The following MTHFD2L variants were observed in gnomAD, a reference collection of about 807,000 sequenced individuals.
MTHFD2L encodes the protein bifunctional methylenetetrahydrofolate dehydrogenase/cyclohydrolase 2, mitochondrial.
Under a neutral mutation model 34.9 loss-of-function variants are expected in MTHFD2L, and 29 were observed. That is an observed-to-expected ratio of 0.83 (90% CI 0.62 to 1.13). The LOEUF is 1.13. Among genes scored for constraint, MTHFD2L ranks in the 50% most tolerant of loss-of-function variants. The probability of loss-of-function intolerance (pLI) is 0.00; values close to 1 mark genes in which losing one functional copy is unlikely to be tolerated. For missense variants in MTHFD2L, 481 were observed against 446.5 expected (o/e 1.08, Z -0.70); for synonymous variants, 167 against 155.7 (o/e 1.07, Z -0.54).
chr4:74,253,660 C>T (rs748788429), intron 6 of MTHFD2L, among the ~76,000 whole-genome samples: 1 of 152,172 alleles, frequency 6.6e-6, no homozygotes, highest in African/African-American at 2.4e-5. Context: ...ACCATGGCCC[C>T]AGGCTCCAGG....
chr4:74,259,064 C>T (rs1397181711), intron 6 of MTHFD2L, among the ~76,000 whole-genome samples: 2 of 152,188 alleles, frequency 1.3e-5, no homozygotes, highest in East Asian at 3.9e-4. Flanking sequence ...GAGCCATGAC[C>T]CACTACTTTT....
At chr4:74,130,436 T>C (rs1013061505) in intron 1 of MTHFD2L, among the ~76,000 whole-genome samples, 2 of 152,024 alleles carry the variant, frequency 1.3e-5, no homozygotes, top group African/African-American at 4.8e-5. Context: ...GTTCAAGATA[T>C]GCAAAAAAAT....
At chr4:74,295,986 C>T (rs188035559) in intron 7 of MTHFD2L, among the ~76,000 whole-genome samples, 116 of 152,294 alleles carry the variant, frequency 7.6e-4, no homozygotes, top group African/African-American at 2.5e-3. Context: ...CATATCACTG[C>T]CGTGGCTCAA....
intron 6 of MTHFD2L, among the ~76,000 whole-genome samples, chr4:74,275,700 G>A (rs190380028): frequency 6.6e-6 from 1 of 151,716 alleles, no homozygotes; most frequent in Non-Finnish European, 1.5e-5. Flanking sequence ...GATCAGTGAT[G>A]TTGAGCTTTT....
In MTHFD2L at chr4:74,165,111, A is replaced by G. The variant is rs1726388887; in HGVS notation, c.143+6830A>G. 4 of 328,866 alleles carry G rather than the reference A, an allele frequency of 1.2e-5. No homozygotes were observed. The South Asian group carries it at 4.9e-4, about 41-fold the overall frequency. The allele number at this position is 328,866 out of a possible 1,614,324, so 20.4% of individuals were successfully genotyped here. A position where few individuals can be genotyped will look rare whatever the true frequency, so the allele number is the denominator to read the frequency against. ...GGCACGAATGTAATGAAAATTATAT[A>G]TTTGGAATATCTATTGGCTTACAAA... On this transcript the variant is annotated intron_variant, in intron 1 of 7. Coordinates refer to ENST00000325278, the MANE Select transcript of MTHFD2L (RefSeq NM_001144978.3).
intron 5 of MTHFD2L, among the ~76,000 whole-genome samples, chr4:74,217,579 G>T (rs756781318): frequency 1.3e-5 from 2 of 151,698 alleles, no homozygotes; most frequent in Non-Finnish European, 2.9e-5. Flanking sequence ...TCCGTATCCC[G>T]AGAAAGTGAC....
chr4:74,283,832 G>C (rs1460039275), intron 7 of MTHFD2L, among the ~76,000 whole-genome samples: 1 of 152,118 alleles, frequency 6.6e-6, no homozygotes, highest in Non-Finnish European at 1.5e-5. Flanking sequence ...GCCACCCACA[G>C]GAGCAGGCAA....
intron 1 of MTHFD2L, among the ~76,000 whole-genome samples, chr4:74,163,710 C>T (rs1246926081): frequency 6.6e-6 from 1 of 152,134 alleles, no homozygotes; most frequent in East Asian, 1.9e-4. Context: ...GTTTTATTCC[C>T]TATGGAATTT....
chr4:74,214,384 A>G (rs960900031), intron 5 of MTHFD2L, among the ~76,000 whole-genome samples: 1 of 151,264 alleles, frequency 6.6e-6, no homozygotes, highest in Non-Finnish European at 1.5e-5. Context: ...TGTCCTTCGG[A>G]TGGGGTTTTT....
At chr4:74,259,626 T>A (rs2110218723) in intron 6 of MTHFD2L, among the ~76,000 whole-genome samples, 1 of 152,286 alleles carries the variant, frequency 6.6e-6, no homozygotes, top group African/African-American at 2.4e-5. Flanking sequence ...ATAGGTACAT[T>A]CAAACCTGAG....
chr4:74,126,007 G>A (rs1722042809), intron 1 of MTHFD2L, among the ~76,000 whole-genome samples: 1 of 152,100 alleles, frequency 6.6e-6, no homozygotes, highest in Non-Finnish European at 1.5e-5. Context: ...TCACTGTTTT[G>A]TCTTCCAAGG....
At chr4:74,209,389 C>T (rs1735913653) in intron 5 of MTHFD2L, among the ~76,000 whole-genome samples, 1 of 152,084 alleles carries the variant, frequency 6.6e-6, no homozygotes, top group Non-Finnish European at 1.5e-5. Context: ...GTTCCCCTCC[C>T]TGTGTCCATG....
At chr4:74,128,458 A>G (rs942961880) in intron 1 of MTHFD2L, among the ~76,000 whole-genome samples, 1 of 152,028 alleles carries the variant, frequency 6.6e-6, no homozygotes, top group Non-Finnish European at 1.5e-5. Context: ...TCCCAGCACC[A>G]TTTATGAAAG....
chr4:74,233,819 A>G (rs1740446016), intron 6 of MTHFD2L, among the ~76,000 whole-genome samples: 1 of 151,840 alleles, frequency 6.6e-6, no homozygotes, highest in South Asian at 2.1e-4. Flanking sequence ...ACTTGTTCTA[A>G]TTACAGGGAC....
chr4:74,164,872 T>A (rs1726330120), intron 1 of MTHFD2L: 1 of 630,578 alleles, frequency 1.6e-6, no homozygotes, highest in African/African-American at 2.0e-5. Flanking sequence ...AGCCCAGCAG[T>A]AGGCTGGGCT....
chr4:74,266,407 A>G (rs189753325), intron 6 of MTHFD2L, among the ~76,000 whole-genome samples: 30 of 152,318 alleles, frequency 2.0e-4, no homozygotes, highest in Non-Finnish European at 2.1e-4. Context: ...ATGCTAAGAC[A>G]GTGTCTAAGG....
chr4:74,225,726 A>G (rs1280941102), intron 6 of MTHFD2L, among the ~76,000 whole-genome samples: 1 of 152,176 alleles, frequency 6.6e-6, no homozygotes, highest in Non-Finnish European at 1.5e-5. Flanking sequence ...AGCTATGGAG[A>G]ACAATAAAAC....
chr4:74,139,886 C>T (rs1723175980), intron 1 of MTHFD2L, among the ~76,000 whole-genome samples: 2 of 152,026 alleles, frequency 1.3e-5, no homozygotes, highest in South Asian at 4.1e-4. Context: ...ATTAAACTGC[C>T]TTTCTCAGAA....
chr4:74,187,418 T>C (rs922251338), intron 3 of MTHFD2L, among the ~76,000 whole-genome samples: 4 of 152,126 alleles, frequency 2.6e-5, no homozygotes, highest in Admixed American at 2.0e-4. Flanking sequence ...CTAAAAATAA[T>C]GACAGAGAGA....
Sources: allele counts gnomAD v4.1 joint callset (sites outside exome capture counted in the v4.1 genomes callset), GRCh38; gene constraint gnomAD v4.1.1; transcripts MANE v1.5; gene names NCBI Gene and HGNC (gene_info 2026-07-23, HGNC 2026-07-21).